Variants in NFATC2 observed in about 807,000 individuals in gnomAD.
NFATC2 encodes the protein nuclear factor of activated T cells 2, also known as nuclear factor of activated T-cells, cytoplasmic 2.
In NFATC2, 22 loss-of-function variants were observed where a neutral mutation model predicts 87.3. The ratio of observed to expected loss-of-function variants is 0.25; its 90% confidence interval spans 0.18 to 0.36. The LOEUF (loss-of-function observed/expected upper bound fraction) is 0.36. NFATC2 is among the 10% of genes least tolerant of loss of function. The probability of loss-of-function intolerance (pLI) is 1.00; values close to 1 mark genes in which losing one functional copy is unlikely to be tolerated. For synonymous variants in NFATC2, 565 were observed against 542.2 expected (o/e 1.04, Z -0.58); for missense variants, 1,149 against 1,259.1 (o/e 0.91, Z 1.32).
chr20:51,550,536 A>G (rs1183864220), intron 1 of NFATC2, among the ~76,000 whole-genome samples: 2 of 152,162 alleles, frequency 1.3e-5, no homozygotes, highest in African/African-American at 4.8e-5. Flanking sequence ...GGTTGCAGTG[A>G]GCCGAGATTG....
rs759670807 is a variant in NFATC2 at position 51,523,354 on chromosome 20, G to T, written c.887C>A (p.Pro296His). 17 of 1,611,786 alleles carry T rather than the reference G, an allele frequency of 1.1e-5. No homozygotes were observed. Among genetic ancestry groups the T allele is most frequent in the Non-Finnish European group, 1.4e-5 (17 of 1,178,966 alleles). ...CATGATCACGGCAGAGCCAGCCACAGGGGGGTACCCAGCCGGGGAGCCGTG... is the reference window on the plus strand; with the variant it reads ...CATGATCACGGCAGAGCCAGCCACATGGGGGTACCCAGCCGGGGAGCCGTG... ...QDHGSPAGYP[P>H]VAGSAVIMDA... Residue 296 changes from proline (P) to histidine (H), a missense_variant, in exon 2 of 11, where the codon CCT becomes CAT. Coordinates refer to ENST00000371564, the MANE Select transcript of NFATC2 (RefSeq NM_012340.5). This position sits in a 1 kb window ranked among gnomAD's most constrained non-coding sequence, Gnocchi z 6.9.
intron 1 of NFATC2, among the ~76,000 whole-genome samples, chr20:51,561,574 C>T (rs1460634282): frequency 2.0e-4 from 29 of 143,406 alleles, no homozygotes; most frequent in African/African-American, 7.1e-4. Flanking sequence ...TTCTTCCCCC[C>T]CCCACCCCCA....
chr20:51,522,830 T>A (rs2076470400), intron 2 of NFATC2, among the ~76,000 whole-genome samples: 1 of 152,204 alleles, frequency 6.6e-6, no homozygotes, highest in South Asian at 2.1e-4. Context: ...GCAATTACAT[T>A]TATCATGACT....
chr20:51,458,103 C>T (rs1364395569), intron 5 of NFATC2, among the ~76,000 whole-genome samples: 5 of 152,114 alleles, frequency 3.3e-5, no homozygotes, highest in Non-Finnish European at 7.3e-5. Flanking sequence ...TCTTGAACTC[C>T]TGGGCTCAAG....
chr20:51,550,465 C>T (rs2076923768), intron 1 of NFATC2, among the ~76,000 whole-genome samples: 1 of 151,600 alleles, frequency 6.6e-6, no homozygotes, highest in Non-Finnish European at 1.5e-5. Flanking sequence ...GTGGTGGGCG[C>T]CTGTAATTCC....
upstream of NFATC2, among the ~76,000 whole-genome samples, chr20:51,547,422 G>A (rs1046865319): frequency 6.6e-6 from 1 of 152,092 alleles, no homozygotes; most frequent in Admixed American, 6.5e-5. Context: ...CTCCCGAAAC[G>A]CCTTCAAGAA....
intron 1 of NFATC2, among the ~76,000 whole-genome samples, chr20:51,553,253 G>A (rs916838905): frequency 7.2e-5 from 11 of 152,138 alleles, no homozygotes; most frequent in East Asian, 1.9e-4. Context: ...GAGCTTGAGC[G>A]CCTGGGCTGC....
chr20:51,516,705 C>A, intron 3 of NFATC2, 79 bp downstream of exon 3: 1 of 1,465,340 alleles, frequency 6.8e-7, no homozygotes, highest in Non-Finnish European at 9.2e-7. Context: ...CCTTAACAAG[C>A]AACAAACAGT....
At chr20:51,553,547 T>C (rs1473091463) in intron 1 of NFATC2, among the ~76,000 whole-genome samples, 2 of 151,698 alleles carry the variant, frequency 1.3e-5, no homozygotes, top group Admixed American at 1.3e-4. Context: ...TGGTGGCAGG[T>C]GCCTGTAGTT....
At chr20:51,442,938 A>C (rs575647403) in intron 6 of NFATC2, among the ~76,000 whole-genome samples, 1 of 152,126 alleles carries the variant, frequency 6.6e-6, no homozygotes, top group Non-Finnish European at 1.5e-5. Flanking sequence ...CCCAGGCTCA[A>C]GAGAGACATG....
intron 5 of NFATC2, among the ~76,000 whole-genome samples, chr20:51,472,479 C>T (rs1281127327): frequency 6.6e-6 from 1 of 151,426 alleles, no homozygotes; most frequent in Admixed American, 6.6e-5. Flanking sequence ...GTAAAATGTC[C>T]AGCAAAAAGG....
chr20:51,525,173 CTG>C (rs376589526), intron 1 of NFATC2, among the ~76,000 whole-genome samples: 82 of 152,308 alleles, frequency 5.4e-4, no homozygotes, highest in African/African-American at 1.5e-3. Flanking sequence ...TGAGCCAAGA[CTG>C]TGCCACTGCA....
intron 3 of NFATC2, among the ~76,000 whole-genome samples, chr20:51,484,061 G>A (rs1034870228): frequency 6.6e-6 from 1 of 152,022 alleles, no homozygotes; most frequent in African/African-American, 2.4e-5. Context: ...GATCCCATAT[G>A]ATCTGGCCCT....
At chr20:51,408,868 G>A (rs1328688200) in intron 9 of NFATC2, among the ~76,000 whole-genome samples, 1 of 152,156 alleles carries the variant, frequency 6.6e-6, no homozygotes, top group African/African-American at 2.4e-5. Flanking sequence ...GGTCTCGCTG[G>A]CAGAGTTTCT....
intron 1 of NFATC2, among the ~76,000 whole-genome samples, chr20:51,540,622 A>ATTTCAGTTT (rs2076791628): frequency 6.8e-6 from 1 of 147,894 alleles, no homozygotes; most frequent in Non-Finnish European, 1.5e-5. Flanking sequence ...TTTTCTGTAA[A>ATTTCAGTTT]TCTGAAACTG....
chr20:51,481,978 G>A (rs11699028), intron 3 of NFATC2, among the ~76,000 whole-genome samples: 12,566 of 152,136 alleles, frequency 0.083, 623 homozygotes, highest in Middle Eastern at 0.18. Context: ...AGATGAGAAC[G>A]GTGAGGCTCA....
At chr20:51,467,455 G>A (rs1327798587) in intron 5 of NFATC2, among the ~76,000 whole-genome samples, 3 of 152,098 alleles carry the variant, frequency 2.0e-5, no homozygotes, top group African/African-American at 7.2e-5. Context: ...TACTCCAGAG[G>A]CTGAGGCAGG....
rs372456798 is a variant in NFATC2 at position 51,439,785 on chromosome 20, TCAAATCCTTGACTACCCC to T, written c.1850-4042_1850-4025del. Among the ~76,000 whole-genome samples the T allele has an allele frequency of 3.0e-3, 464 of 152,292 alleles. 1 individual carries two copies. The highest frequency in any genetic ancestry group is 0.011 in the African/African-American group (444 of 41,566). ...AATTTCGGAGCAGACACACCCAGCT[TCAAATCCTTGACTACCCC>T]CAATGATTTGTGAGACCTTAGATAT... is the stretch of plus-strand genomic sequence containing the variant. On this transcript the variant is annotated intron_variant, in intron 6 of 10. Transcript: ENST00000371564.
chr20:51,523,554 G>A lies in NFATC2; in HGVS notation c.687C>T (p.Asp229=). ...IMSPRTSLAE[D]SCLGRHSPVP... ...CGGGCGAGTGGCGGCCCAGGCAGCT[G>A]TCCTCGGCGAGGCTGGTTCGAGGTG... Residue 229 remains aspartate (D), a synonymous_variant, in exon 2 of 11, where the codon GAC becomes GAT. Coordinates refer to ENST00000371564, the MANE Select transcript of NFATC2 (RefSeq NM_012340.5). The surrounding 1 kb of genome is among the most constrained non-coding windows in gnomAD (Gnocchi z 6.9). 6.2e-7 allele frequency: 1 copy of A among 1,613,828 alleles called. No individual in the cohort carries two copies. Among genetic ancestry groups the A allele is most frequent in the East Asian group, 2.2e-5 (1 of 44,864 alleles).
Sources: gnomAD v4.1 joint callset for allele counts (sites outside exome capture counted in the v4.1 genomes callset) on GRCh38, gnomAD v4.1.1 for gene constraint, Gnocchi (gnomAD v3.1) non-coding constraint, MANE v1.5 for transcripts, NCBI Gene and HGNC (gene_info 2026-07-23, HGNC 2026-07-21) for gene names.